The following DPP10 variants were observed in gnomAD, a reference collection of about 807,000 sequenced individuals.
The protein encoded by DPP10 is dipeptidyl peptidase like 10, also known as inactive dipeptidyl peptidase 10.
Under a neutral mutation model 120.9 loss-of-function variants are expected in DPP10, and 33 were observed. The ratio of observed to expected loss-of-function variants is 0.27; its 90% confidence interval spans 0.21 to 0.37. The LOEUF is 0.37. DPP10 is among the 10% of genes least tolerant of loss of function. DPP10 has a pLI of 1.00. For synonymous variants in DPP10, 337 were observed against 326.1 expected, an observed-to-expected ratio of 1.03 and a Z score of -0.36; for missense variants, 816 against 942.8, an observed-to-expected ratio of 0.87 and a Z score of 1.76.
chr2:114,611,290 C>T (rs1342357958), intron 1 of DPP10, among the ~76,000 whole-genome samples: 1 of 152,178 alleles, frequency 6.6e-6, no homozygotes, highest in African/African-American at 2.4e-5. Context: ...ATTTCATGTG[C>T]TTACAGGAAA....
At chr2:115,304,696 A>G (rs577521229) in intron 1 of DPP10, among the ~76,000 whole-genome samples, 6 of 152,210 alleles carry the variant, frequency 3.9e-5, no homozygotes, top group Admixed American at 1.3e-4. Context: ...TTCTTAAAAA[A>G]ACAAATTTTG....
At chr2:115,443,983 A>G (rs539862788) in intron 3 of DPP10, among the ~76,000 whole-genome samples, 176 of 152,274 alleles carry the variant, frequency 1.2e-3, no homozygotes, top group Non-Finnish European at 1.1e-3. Context: ...ATTGCCAAAT[A>G]TCTCCAGAAG....
chr2:115,317,517 C>A (rs1459338476), intron 2 of DPP10, among the ~76,000 whole-genome samples: 1 of 152,076 alleles, frequency 6.6e-6, no homozygotes, highest in African/African-American at 2.4e-5. Flanking sequence ...ATGGTAATTT[C>A]TGTGTTTAAA....
chr2:114,998,681 C>A (rs1432932851), intron 1 of DPP10, among the ~76,000 whole-genome samples: 1 of 152,132 alleles, frequency 6.6e-6, no homozygotes. Flanking sequence ...CTTATACAGA[C>A]AAGGTATAGC....
intron 1 of DPP10, among the ~76,000 whole-genome samples, chr2:114,918,649 G>T (rs1441940364): frequency 6.6e-6 from 1 of 152,180 alleles, no homozygotes; most frequent in East Asian, 1.9e-4. Flanking sequence ...CTGCAGCAAT[G>T]TGGATGTCCC....
intron 13 of DPP10, among the ~76,000 whole-genome samples, chr2:115,771,103 C>T (rs1023213979): frequency 6.6e-6 from 1 of 151,662 alleles, no homozygotes; most frequent in Non-Finnish European, 1.5e-5. Flanking sequence ...GAGACAGAGT[C>T]TCAGTTTGTT....
intron 5 of DPP10, among the ~76,000 whole-genome samples, chr2:115,549,309 C>G (rs1033518636): frequency 4.6e-5 from 7 of 152,150 alleles, no homozygotes; most frequent in African/African-American, 1.7e-4. Flanking sequence ...TCTACCCCAA[C>G]TGTGTGTGAT....
intron 5 of DPP10, among the ~76,000 whole-genome samples, chr2:115,606,091 T>A (rs1284383516): frequency 6.6e-6 from 1 of 152,166 alleles, no homozygotes; most frequent in Non-Finnish European, 1.5e-5. Context: ...TAATGCAAAA[T>A]CTTATTTAGC....
chr2:114,582,159 T>A (rs1473244644), intron 1 of DPP10, among the ~76,000 whole-genome samples: 1 of 152,222 alleles, frequency 6.6e-6, no homozygotes, highest in Non-Finnish European at 1.5e-5. Context: ...GATCTTTTTA[T>A]GTCTCCATAG....
At chr2:115,242,629 A>G (rs1220648357) in intron 1 of DPP10, among the ~76,000 whole-genome samples, 1 of 150,022 alleles carries the variant, frequency 6.7e-6, no homozygotes, top group Non-Finnish European at 1.5e-5. Context: ...TACTACCAGC[A>G]GTGTAGAGGT....
chr2:115,092,296 C>T (rs1205467331), intron 1 of DPP10, among the ~76,000 whole-genome samples: 1 of 152,124 alleles, frequency 6.6e-6, no homozygotes, highest in Non-Finnish European at 1.5e-5. Flanking sequence ...TTTTATTGCT[C>T]ATTTCCAGAA....
intron 4 of DPP10, among the ~76,000 whole-genome samples, chr2:115,518,231 T>A (rs975482706): frequency 2.0e-5 from 3 of 152,114 alleles, no homozygotes; most frequent in African/African-American, 7.2e-5. Context: ...TTTGAAGGAG[T>A]CAAACATCGA....
chr2:114,445,658 TTTGTGGCCATGATGTGTCAGAG>T (rs1434872189), intron 1 of DPP10, among the ~76,000 whole-genome samples: 1 of 151,878 alleles, frequency 6.6e-6, no homozygotes, highest in Non-Finnish European at 1.5e-5. Flanking sequence ...GTGAAGGCTG[TTTGTGGCCATGATGTGTCAGAG>T]TTGGAAAAGA....
intron 7 of DPP10, among the ~76,000 whole-genome samples, chr2:115,698,818 A>ACAC (rs1246282035): frequency 1.3e-5 from 2 of 152,154 alleles, no homozygotes; most frequent in African/African-American, 4.8e-5. Flanking sequence ...AAGGATTAAG[A>ACAC]CACTCACATT....
chr2:115,765,172 G>A (rs1159020785), intron 12 of DPP10, among the ~76,000 whole-genome samples: 1 of 152,094 alleles, frequency 6.6e-6, no homozygotes, highest in African/African-American at 2.4e-5. Flanking sequence ...ATATGAGATT[G>A]TAGCCCCCAT....
At chr2:115,677,847 G>A (rs544065260) in intron 5 of DPP10, among the ~76,000 whole-genome samples, 2 of 152,252 alleles carry the variant, frequency 1.3e-5, no homozygotes, top group African/African-American at 2.4e-5. Context: ...CTGACTCTAA[G>A]CATGAAACAT....
intron 1 of DPP10, among the ~76,000 whole-genome samples, chr2:114,866,633 A>G (rs1159092609): frequency 6.6e-6 from 1 of 152,230 alleles, no homozygotes; most frequent in Non-Finnish European, 1.5e-5. Context: ...GATGTTAAGT[A>G]ATTTGCCCAA....
intron 1 of DPP10, among the ~76,000 whole-genome samples, chr2:114,584,561 A>T: frequency 9.9e-6 from 1 of 101,054 alleles, no homozygotes; most frequent in Non-Finnish European, 1.9e-5. Context: ...CCACCCCACA[A>T]CAGGCCCCAG....
intron 1 of DPP10, among the ~76,000 whole-genome samples, chr2:114,648,976 T>A (rs1006417941): frequency 6.6e-6 from 1 of 152,142 alleles, no homozygotes; most frequent in African/African-American, 2.4e-5. Flanking sequence ...CTCATGAGGT[T>A]TAAGGGTGGA....
Sources: gnomAD v4.1 joint callset for allele counts (sites outside exome capture counted in the v4.1 genomes callset) on GRCh38, gnomAD v4.1.1 for gene constraint, MANE v1.5 for transcripts, NCBI Gene and HGNC (gene_info 2026-07-23, HGNC 2026-07-21) for gene names.